The following SERPINI2 variants were observed in gnomAD, a reference collection of about 807,000 sequenced individuals.
SERPINI2 encodes serpin I2.
Under a neutral mutation model 47.3 loss-of-function variants are expected in SERPINI2, and 48 were observed. The observed-to-expected ratio is 1.02, with a 90% CI of 0.81 to 1.29. The LOEUF (loss-of-function observed/expected upper bound fraction) is 1.29, where lower values mean the gene tolerates loss of function less well. Ranked by LOEUF, SERPINI2 falls within the 50% of genes most tolerant of loss-of-function variation. SERPINI2 has a pLI of 0.00. For synonymous variants in SERPINI2, 135 were observed against 149.3 expected (o/e 0.90, Z 0.70); for missense variants, 448 against 456.9 (o/e 0.98, Z 0.18).
intron 6 of SERPINI2, among the ~76,000 whole-genome samples, chr3:167,450,804 T>C (rs1749619605): frequency 6.6e-6 from 1 of 152,016 alleles, no homozygotes; most frequent in African/African-American, 2.4e-5. Flanking sequence ...GTGAAGAATT[T>C]CACCCAGTTT....
rs540347882 is a variant in SERPINI2, at chr3:167,465,823, A to T, written c.479-150T>A. ...CTAAATATGGTAATTTTGAGAATAG[A>T]CGGGATTGCTGTTAAATATTTCATG... On this transcript the variant is annotated intron_variant, in intron 3 of 8. Coordinates refer to ENST00000264677, the Ensembl canonical transcript of SERPINI2. The T allele has an allele frequency of 3.4e-5, 21 of 623,324 alleles. No homozygotes were observed. The East Asian group carries it at 5.9e-4, about 18-fold the overall frequency. The allele number at this position is 623,324 out of a possible 1,614,324, so 38.6% of individuals were successfully genotyped here.
At chr3:167,448,770 C>T (rs1370386403) in intron 7 of SERPINI2, among the ~76,000 whole-genome samples, 1 of 152,014 alleles carries the variant, frequency 6.6e-6, no homozygotes, top group Non-Finnish European at 1.5e-5. Flanking sequence ...GATCCACCCG[C>T]CTCGGCCTCC....
chr3:167,453,192 C>CCAA (rs1448509255), intron 5 of SERPINI2, among the ~76,000 whole-genome samples, 159 bp from the exon 6 acceptor site: 1 of 152,108 alleles, frequency 6.6e-6, no homozygotes, highest in Non-Finnish European at 1.5e-5. Flanking sequence ...TTCCCCGGCT[C>CCAA]CAACAATCAG....
exon 1 of SERPINI2, chr3:167,474,023 T>C (rs1750419478): frequency 2.7e-6 from 3 of 1,099,434 alleles, no homozygotes; most frequent in Middle Eastern, 8.1e-4. Flanking sequence ...CTTCTGATTA[T>C]TCACTGGAAT....
intron 2 of SERPINI2, 28 bp from the exon 3 acceptor site, chr3:167,467,313 C>G: frequency 6.8e-7 from 1 of 1,481,390 alleles, no homozygotes; most frequent in Non-Finnish European, 9.3e-7. Flanking sequence ...TGTATATTGG[C>G]ATATTGAACA....
rs770413736 is a variant in SERPINI2, at chr3:167,465,198, T to A, written c.866+8A>T. 4.2e-5 allele frequency: 67 copies of A among 1,597,238 alleles called. No homozygotes were observed. The highest frequency in any genetic ancestry group is 5.4e-5 in the Non-Finnish European group (63 of 1,175,680). ...TAAGAACTCGTATAATAAAATAACA[T>A]CACCAACCTAGGGAGGCTTATTTCT... On this transcript the variant is annotated splice_region_variant and intron_variant, in intron 5 of 8. Coordinates refer to ENST00000264677, the Ensembl canonical transcript of SERPINI2.
At chr3:167,461,028 A>T (rs1749966694) in intron 5 of SERPINI2, among the ~76,000 whole-genome samples, 1 of 152,192 alleles carries the variant, frequency 6.6e-6, no homozygotes, top group South Asian at 2.1e-4. Context: ...ATTTTCCTGA[A>T]GTGTTCTAGA....
At chr3:167,471,637 T>G (rs1750323849) in exon 2 of SERPINI2, 1 of 1,613,538 alleles carries the variant, frequency 6.2e-7, no homozygotes, top group South Asian at 1.1e-5. Flanking sequence ...GCTGCTGTGC[T>G]TTTCCTTTGG....
chr3:167,471,389 T>C (rs1234034345), intron 2 of SERPINI2, among the ~76,000 whole-genome samples, 199 bp downstream of exon 2: 1 of 152,168 alleles, frequency 6.6e-6, no homozygotes, highest in Non-Finnish European at 1.5e-5. Flanking sequence ...TGTCAATTTC[T>C]TAATAATTTT....
chr3:167,457,251 G>C (rs73173009), intron 5 of SERPINI2, among the ~76,000 whole-genome samples: 5,456 of 152,238 alleles, frequency 0.036, 172 homozygotes, highest in South Asian at 0.14. Context: ...GAAAATACAT[G>C]CATAACCTTA....
At chr3:167,466,371 TAAAG>T (rs781682578) in intron 3 of SERPINI2, among the ~76,000 whole-genome samples, 25 of 152,180 alleles carry the variant, frequency 1.6e-4, no homozygotes, top group African/African-American at 2.4e-5. Context: ...GCTGATTAAA[TAAAG>T]AAACAAAGTA....
At chr3:167,465,296 A>G in exon 5 of SERPINI2, 1 of 1,613,242 alleles carries the variant, frequency 6.2e-7, no homozygotes, top group Middle Eastern at 1.7e-4. Context: ...CACTTCTTCT[A>G]TATCCATACC....
chr3:167,473,669 C>A, intron 1 of SERPINI2: 1 of 710,950 alleles, frequency 1.4e-6, no homozygotes. Context: ...TCCATTTTTT[C>A]TAGAAAATTT....
intron 2 of SERPINI2, among the ~76,000 whole-genome samples, chr3:167,471,272 TAC>T (rs921796643): frequency 9.2e-5 from 14 of 151,816 alleles, no homozygotes; most frequent in African/African-American, 2.9e-4. Context: ...AGTATGTACA[TAC>T]ACACACACAC....
chr3:167,462,441 A>G (rs770832806), intron 5 of SERPINI2, among the ~76,000 whole-genome samples: 20 of 151,978 alleles, frequency 1.3e-4, no homozygotes, highest in Admixed American at 1.2e-3. Context: ...GTAGATGGCC[A>G]TTTTTTTCCC....
At chr3:167,442,092 G>T in exon 9 of SERPINI2, 15 of 1,568,204 alleles carry the variant, frequency 9.6e-6, no homozygotes, top group Non-Finnish European at 1.3e-5. Flanking sequence ...CTTTTATTCT[G>T]AGGCTGTGCT....
chr3:167,454,680 G>A (rs996559530), intron 5 of SERPINI2, among the ~76,000 whole-genome samples: 14 of 152,130 alleles, frequency 9.2e-5, no homozygotes, highest in Admixed American at 8.5e-4. Flanking sequence ...AGTCATTTAA[G>A]TAACAGTCCT....
chr3:167,453,139 G>T, intron 5 of SERPINI2, 106 bp from the exon 6 acceptor site: 1 of 545,042 alleles, frequency 1.8e-6, no homozygotes, highest in South Asian at 3.3e-5. Flanking sequence ...AAAATCTTTT[G>T]TTTTTATTAT....
At chr3:167,470,550 C>CTTTTTTTTTTTTTTTTTTTTT (rs536884425) in intron 2 of SERPINI2, among the ~76,000 whole-genome samples, 8 of 93,036 alleles carry the variant, frequency 8.6e-5, no homozygotes, top group African/African-American at 4.5e-4. Flanking sequence ...TGAGCAACAA[C>CTTTTTTTTTTTTTTTTTTTTT]TTTTTTTTTT....
Sources: allele counts gnomAD v4.1 joint callset (sites outside exome capture counted in the v4.1 genomes callset), GRCh38; gene constraint gnomAD v4.1.1; transcripts MANE v1.5; gene names NCBI Gene and HGNC (gene_info 2026-07-23, HGNC 2026-07-21).